PDE8B: variants seen among roughly 807,000 people sequenced by gnomAD.
PDE8B encodes high affinity cAMP-specific and IBMX-insensitive 3',5'-cyclic phosphodiesterase 8B.
PDE8B carries 26 observed loss-of-function variants against 101.3 expected under a neutral mutation model. The observed-to-expected ratio is 0.26, with a 90% CI of 0.19 to 0.36. PDE8B has a LOEUF of 0.36. PDE8B is among the 10% of genes least tolerant of loss of function. The pLI is 1.00. For missense variants in PDE8B, 810 were observed against 1,163.1 expected (o/e 0.70, Z 4.42); for synonymous variants, 424 against 429.3 (o/e 0.99, Z 0.15).
chr5:77,320,606 G>T (rs1277507493), intron 2 of PDE8B, among the ~76,000 whole-genome samples: 3 of 152,038 alleles, frequency 2.0e-5, no homozygotes, highest in African/African-American at 7.2e-5. Flanking sequence ...CTGGCCTATG[G>T]CTATTTCTGT....
At position 77,412,136 on chromosome 5, in the gene PDE8B, T is replaced by C; in HGVS notation, c.1613T>C (p.Ile538Thr). 1 of 1,613,992 alleles carries C rather than the reference T, an allele frequency of 6.2e-7. No homozygotes were observed. The highest frequency in any genetic ancestry group is 8.5e-7 in the Non-Finnish European group (1 of 1,179,878). ...AGTCACAGTCACCTTGCAATGCCAATAACCATCAATGATGTTCCCCCTTGT... is the reference window on the plus strand; with the variant it reads ...AGTCACAGTCACCTTGCAATGCCAACAACCATCAATGATGTTCCCCCTTGT... The part of the protein sequence containing the change: ...HQSHSHLAMP[I>T]TINDVPPCIS... The change falls in exon 16 of 22, where the codon ATA becomes ACA. Residue 538 changes from isoleucine to threonine, a missense_variant. Ile to Thr is a moderately conservative substitution (Grantham distance 89). Around this residue, in one of 4 missense-constraint regions of PDE8B, gnomAD observed 325 missense variants for 560.9 expected, o/e 0.58. Transcript: ENST00000264917.
chr5:77,269,382 G>T (rs76774683), intron 1 of PDE8B, among the ~76,000 whole-genome samples: 2,642 of 152,216 alleles, frequency 0.017, 64 homozygotes, highest in African/African-American at 0.06. Context: ...TTACGCTCTT[G>T]TCAGATGGTT....
chr5:77,273,740 A>G (rs1181433719), intron 1 of PDE8B, among the ~76,000 whole-genome samples: 2 of 152,250 alleles, frequency 1.3e-5, no homozygotes, highest in East Asian at 3.8e-4. Flanking sequence ...TATATAAAAA[A>G]TAAAGTTTGA....
intron 1 of PDE8B, among the ~76,000 whole-genome samples, chr5:77,253,068 G>C (rs541412994): frequency 9.2e-5 from 14 of 152,084 alleles, no homozygotes; most frequent in Non-Finnish European, 2.1e-4. Flanking sequence ...AAAATTAATT[G>C]GTATACTAGG....
intron 1 of PDE8B, among the ~76,000 whole-genome samples, chr5:77,304,735 A>C (rs1770780652): frequency 6.6e-6 from 1 of 152,208 alleles, no homozygotes; most frequent in South Asian, 2.1e-4. Context: ...TCGTCCATCT[A>C]TATTATATAA....
intron 6 of PDE8B, among the ~76,000 whole-genome samples, chr5:77,338,182 C>T (rs563189691): frequency 2.2e-4 from 33 of 152,318 alleles, no homozygotes; most frequent in Middle Eastern, 3.4e-3. Context: ...AGGCTCAACA[C>T]AAAATAAGTA....
At chr5:77,228,673 T>C (rs902986269) in intron 1 of PDE8B, among the ~76,000 whole-genome samples, 3 of 152,124 alleles carry the variant, frequency 2.0e-5, no homozygotes, top group Non-Finnish European at 2.9e-5. Context: ...GGAAGACATA[T>C]AGAAGGTATC....
At chr5:77,154,045 C>G in the PDE8B span, among the ~76,000 whole-genome samples, 100 of 152,170 alleles carry the variant, frequency 6.6e-4, no homozygotes, top group Non-Finnish European at 1.2e-3. Flanking sequence ...GCTTTTTTTG[C>G]TAAGGAAGAA....
intron 1 of PDE8B, among the ~76,000 whole-genome samples, chr5:77,308,403 G>C (rs1324572121): frequency 6.6e-6 from 1 of 152,170 alleles, no homozygotes; most frequent in African/African-American, 2.4e-5. Flanking sequence ...GCTGGGAGGA[G>C]AGAGGCAAAG....
intron 2 of PDE8B, among the ~76,000 whole-genome samples, chr5:77,324,540 T>C (rs1775698869): frequency 6.6e-6 from 1 of 152,198 alleles, no homozygotes; most frequent in Non-Finnish European, 1.5e-5. Context: ...CTGTGTAAAG[T>C]ATTGCTACCT....
At chr5:77,422,237 C>A (rs1430898314) in intron 20 of PDE8B, among the ~76,000 whole-genome samples, 1 of 152,166 alleles carries the variant, frequency 6.6e-6, no homozygotes, top group Non-Finnish European at 1.5e-5. Flanking sequence ...AACTTTTCAT[C>A]TTCAGTTTGC....
At chr5:77,263,501 T>C (rs1580664181) in intron 1 of PDE8B, among the ~76,000 whole-genome samples, 1 of 152,310 alleles carries the variant, frequency 6.6e-6, no homozygotes, top group African/African-American at 2.4e-5. Context: ...GAGAATGAAG[T>C]TGATTTTTCT....
chr5:77,291,583 T>C (rs371097691), intron 1 of PDE8B: 7 of 1,598,098 alleles, frequency 4.4e-6, no homozygotes, highest in East Asian at 4.5e-5. Context: ...CTGGGCAGAA[T>C]CTTTCGCTGG....
chr5:77,220,257 T>C (rs1261223941), intron 1 of PDE8B, among the ~76,000 whole-genome samples: 1 of 152,188 alleles, frequency 6.6e-6, no homozygotes, highest in Non-Finnish European at 1.5e-5. Context: ...TGTCAAACCC[T>C]GGGACTGGCT....
At chr5:77,290,038 A>G (rs1404503039) in intron 1 of PDE8B, among the ~76,000 whole-genome samples, 2 of 152,254 alleles carry the variant, frequency 1.3e-5, no homozygotes, top group African/African-American at 2.4e-5. Flanking sequence ...CATAATATCT[A>G]TCACTTATCA....
At chr5:77,304,582 A>G (rs1234941643) in intron 1 of PDE8B, among the ~76,000 whole-genome samples, 2 of 152,132 alleles carry the variant, frequency 1.3e-5, no homozygotes, top group East Asian at 1.9e-4. Context: ...TCATGGTTGT[A>G]TATTTTGATG....
intron 1 of PDE8B, among the ~76,000 whole-genome samples, chr5:77,302,467 T>C (rs1382893): frequency 0.83 from 126,623 of 152,114 alleles, 52,886 homozygotes; most frequent in East Asian, 0.97. Flanking sequence ...TACTGCCTCC[T>C]TCTTTGCAGC....
At chr5:77,207,503 T>C (rs1019937152), upstream of PDE8B, among the ~76,000 whole-genome samples, 3 of 152,234 alleles carry the variant, frequency 2.0e-5, no homozygotes, top group African/African-American at 7.2e-5. Context: ...TCTTGGATAT[T>C]TTCTGTTGCT....
chr5:77,141,359 C>T, the PDE8B span: 1 of 152,192 alleles, frequency 6.6e-6, no homozygotes, highest in Admixed American at 6.5e-5. Context: ...GCTCATTTAA[C>T]ATTAACGACC....
Sources: gnomAD v4.1 joint callset for allele counts (sites outside exome capture counted in the v4.1 genomes callset) on GRCh38, gnomAD v4.1.1 for gene constraint, gnomAD v4.1.1 regional missense constraint, MANE v1.5 for transcripts, NCBI Gene and HGNC (gene_info 2026-07-23, HGNC 2026-07-21) for gene names.